SLC4A10: variants seen among roughly 807,000 people sequenced by gnomAD.
The protein encoded by SLC4A10 is solute carrier family 4 member 10, also known as sodium-driven chloride bicarbonate exchanger.
In SLC4A10, 42 loss-of-function variants were observed where a neutral mutation model predicts 137.7. The ratio of observed to expected loss-of-function variants is 0.30; its 90% confidence interval spans 0.24 to 0.39. The LOEUF is 0.39. Among genes scored for constraint, SLC4A10 ranks in the 10% least tolerant of loss-of-function variants. The probability of loss-of-function intolerance (pLI) is 1.00; values close to 1 mark genes in which losing one functional copy is unlikely to be tolerated. For missense variants in SLC4A10, 925 were observed against 1,355.0 expected, an observed-to-expected ratio of 0.68 and a Z score of 4.98; for synonymous variants, 474 against 464.1, an observed-to-expected ratio of 1.02 and a Z score of -0.27.
chr2:161,900,963 C>T lies in SLC4A10; in HGVS notation c.1394C>T (p.Ala465Val), dbSNP rs762676328. The change falls in exon 12 of 27, where the codon GCA (alanine) becomes GTA (valine). Residue 465 changes from alanine to valine, a missense_variant. Ala to Val is a moderately conservative substitution (Grantham distance 64, BLOSUM62 0). Coordinates refer to ENST00000446997, the MANE Select transcript of SLC4A10 (RefSeq NM_001178015.2). ...VPNGTAAHGE[A>V]EPHGGHSGPE... Reference sequence around the variant, plus strand: ...AATGGAACAGCAGCTCATGGGGAAGCAGAGCCCCACGGAGGACATAGTGGA... The same window carrying T: ...AATGGAACAGCAGCTCATGGGGAAGTAGAGCCCCACGGAGGACATAGTGGA... 1.9e-6 allele frequency: 3 copies of T among 1,569,084 alleles called. No individual in the cohort carries two copies. The highest frequency in any genetic ancestry group is 2.6e-6 in the Non-Finnish European group (3 of 1,156,402).
At chr2:161,659,555 G>T (rs1473951752) in intron 1 of SLC4A10, among the ~76,000 whole-genome samples, 2 of 151,938 alleles carry the variant, frequency 1.3e-5, no homozygotes, top group Non-Finnish European at 2.9e-5. Context: ...ATATTTTTTG[G>T]GTGATGGACA....
chr2:161,851,028 C>T (rs2059800660), intron 4 of SLC4A10, among the ~76,000 whole-genome samples: 1 of 151,986 alleles, frequency 6.6e-6, no homozygotes, highest in African/African-American at 2.4e-5. Flanking sequence ...TTTGAGAGAT[C>T]TTCTTGATAT....
At chr2:161,666,159 T>C (rs1343025307) in intron 1 of SLC4A10, among the ~76,000 whole-genome samples, 2 of 151,432 alleles carry the variant, frequency 1.3e-5, no homozygotes, top group South Asian at 2.1e-4. Flanking sequence ...CAATCTTAAT[T>C]GAGATGAAAA....
At chr2:161,981,374 C>T (rs910171141) in intron 26 of SLC4A10, among the ~76,000 whole-genome samples, 1 of 152,188 alleles carries the variant, frequency 6.6e-6, no homozygotes, top group Non-Finnish European at 1.5e-5. Flanking sequence ...GGAATACCAG[C>T]CTCAGAATTC....
chr2:161,954,486 C>T (rs1457432539), intron 19 of SLC4A10, among the ~76,000 whole-genome samples: 1 of 152,154 alleles, frequency 6.6e-6, no homozygotes, highest in Non-Finnish European at 1.5e-5. Context: ...AAAAAATCTA[C>T]AGAAATATGT....
intron 1 of SLC4A10, among the ~76,000 whole-genome samples, chr2:161,636,909 G>A (rs577596352): frequency 6.7e-6 from 1 of 149,710 alleles, no homozygotes; most frequent in South Asian, 2.1e-4. Flanking sequence ...TAGAGACAGG[G>A]TCTCAGTATG....
rs545179737 is a variant in SLC4A10 at position 161,779,358 on chromosome 2, G to A, written c.130+8304G>A. Among the ~76,000 whole-genome samples, 41 of 151,944 alleles carry A rather than the reference G, an allele frequency of 2.7e-4. No individual in the cohort carries two copies. The South Asian group carries it at 7.7e-3, about 28-fold the overall frequency. On this transcript the variant is annotated intron_variant, in intron 2 of 26. Transcript: ENST00000446997. ...AAATTTTAACATGAGTTTTGGTTGG[G>A]ACAAACCATATCCAAACCATAGCAA...
chr2:161,788,784 C>G (rs889556064), intron 2 of SLC4A10, among the ~76,000 whole-genome samples: 1 of 152,154 alleles, frequency 6.6e-6, no homozygotes, highest in Non-Finnish European at 1.5e-5. Context: ...GATGGGGAGA[C>G]AGGTCCCACC....
At chr2:161,702,843 G>A (rs919890740) in intron 1 of SLC4A10, among the ~76,000 whole-genome samples, 4 of 151,758 alleles carry the variant, frequency 2.6e-5, no homozygotes, top group African/African-American at 4.8e-5. Flanking sequence ...GTCTATAAGC[G>A]TAGAAACAAG....
At chr2:161,805,610 T>C (rs2055860376) in intron 3 of SLC4A10, among the ~76,000 whole-genome samples, 1 of 152,126 alleles carries the variant, frequency 6.6e-6, no homozygotes, top group Non-Finnish European at 1.5e-5. Flanking sequence ...CCAATGCAAG[T>C]CCAAAATCCA....
intron 4 of SLC4A10, among the ~76,000 whole-genome samples, chr2:161,847,286 T>TACAC (rs144144995): frequency 3.4e-5 from 5 of 147,990 alleles, no homozygotes; most frequent in South Asian, 2.1e-4. Context: ...CACACACACA[T>TACAC]ACACACACAC....
At chr2:161,733,930 T>C (rs1474318930) in intron 1 of SLC4A10, among the ~76,000 whole-genome samples, 1 of 152,194 alleles carries the variant, frequency 6.6e-6, no homozygotes, top group Admixed American at 6.5e-5. Context: ...ATTTTGGACA[T>C]GCATGGACCC....
intron 1 of SLC4A10, among the ~76,000 whole-genome samples, chr2:161,666,771 T>A (rs918431238): frequency 6.6e-6 from 1 of 151,708 alleles, no homozygotes; most frequent in Non-Finnish European, 1.5e-5. Context: ...TATTGAAATG[T>A]ATGTTCTAGT....
At chr2:161,686,831 C>T (rs2041465858) in intron 1 of SLC4A10, among the ~76,000 whole-genome samples, 1 of 151,730 alleles carries the variant, frequency 6.6e-6, no homozygotes, top group African/African-American at 2.4e-5. Flanking sequence ...AGAGCAGCCC[C>T]AAGGGCTGCT....
intron 16 of SLC4A10, among the ~76,000 whole-genome samples, chr2:161,947,292 A>G (rs997977736): frequency 6.6e-6 from 1 of 152,156 alleles, no homozygotes; most frequent in Non-Finnish European, 1.5e-5. Context: ...TATTAGATTT[A>G]ATACATACTA....
intron 1 of SLC4A10, among the ~76,000 whole-genome samples, chr2:161,627,603 C>A (rs2032676407): frequency 6.6e-6 from 1 of 152,092 alleles, no homozygotes; most frequent in Non-Finnish European, 1.5e-5. Flanking sequence ...AGGATACGGG[C>A]AGAGGAGGCC....
intron 3 of SLC4A10, among the ~76,000 whole-genome samples, chr2:161,830,474 T>C (rs985874211): frequency 7.1e-6 from 1 of 141,246 alleles, no homozygotes; most frequent in Non-Finnish European, 1.6e-5. Context: ...AGTTGTGAGG[T>C]TTTTTTTTTT....
intron 1 of SLC4A10, among the ~76,000 whole-genome samples, chr2:161,701,146 A>G (rs1354340715): frequency 1.3e-5 from 2 of 152,024 alleles, no homozygotes; most frequent in Non-Finnish European, 2.9e-5. Flanking sequence ...CCAAGGGCAA[A>G]ACCAGGATTT....
At chr2:161,951,053 C>T (rs745335355) in intron 19 of SLC4A10, among the ~76,000 whole-genome samples, 11 of 152,072 alleles carry the variant, frequency 7.2e-5, no homozygotes, top group Non-Finnish European at 1.5e-4. Context: ...GCTGAGCTCA[C>T]GTCTGAGAAC....
Sources: gnomAD v4.1 joint callset for allele counts (sites outside exome capture counted in the v4.1 genomes callset) on GRCh38, gnomAD v4.1.1 for gene constraint, MANE v1.5 for transcripts, NCBI Gene and HGNC (gene_info 2026-07-23, HGNC 2026-07-21) for gene names.